Variants in ADAMTSL1 observed in about 807,000 individuals in gnomAD.
ADAMTSL1 encodes the protein ADAMTS-like protein 1.
A neutral mutation model predicts 201.8 loss-of-function variants in ADAMTSL1; 126 were observed. The ratio of observed to expected loss-of-function variants is 0.62; its 90% CI spans 0.54 to 0.72. The LOEUF is 0.72. Among genes scored for constraint, ADAMTSL1 ranks in the 30% least tolerant of loss-of-function variants. ADAMTSL1 has a pLI of 0.00. For missense variants in ADAMTSL1, 2,679 were observed against 2,277.8 expected (o/e 1.18, Z -3.59); for synonymous variants, 1,121 against 903.4 (o/e 1.24, Z -4.32).
intron 1 of ADAMTSL1, among the ~76,000 whole-genome samples, chr9:18,098,435 A>C (rs1224830139): frequency 6.6e-6 from 1 of 152,190 alleles, no homozygotes; most frequent in East Asian, 1.9e-4. Flanking sequence ...GTTTTGTAGT[A>C]TGCAGTACAC....
At chr9:18,103,506 A>G (rs1824624774) in intron 1 of ADAMTSL1, among the ~76,000 whole-genome samples, 1 of 152,200 alleles carries the variant, frequency 6.6e-6, no homozygotes, top group Non-Finnish European at 1.5e-5. Context: ...GGCCAGCACT[A>G]TGAATTTCTG....
intron 26 of ADAMTSL1, among the ~76,000 whole-genome samples, chr9:18,893,242 T>C (rs1256518765): frequency 6.6e-6 from 1 of 152,140 alleles, no homozygotes. Flanking sequence ...AAGACAGCTC[T>C]GGTTCCAGGC....
chr9:18,170,167 T>C (rs1007220214), intron 2 of ADAMTSL1, among the ~76,000 whole-genome samples: 5 of 152,086 alleles, frequency 3.3e-5, no homozygotes, highest in Admixed American at 6.6e-5. Context: ...TAACGAACTA[T>C]ATACATAAAA....
chr9:18,272,003 G>A (rs13298564), intron 2 of ADAMTSL1, among the ~76,000 whole-genome samples: 1,866 of 147,062 alleles, frequency 0.013, 61 homozygotes, highest in African/African-American at 0.043. Context: ...CATATCCTTC[G>A]CCCACTTTTT....
Position 18,795,465 on chromosome 9 carries a change from C to G in ADAMTSL1, c.3746C>G (p.Thr1249Ser), listed in dbSNP as rs777514234. Residue 1249 changes from threonine to serine, a missense_variant, in exon 20 of 29, where the codon ACT becomes AGT. Transcript: ENST00000380548. ...APVEADVGFYTCNATNALGYD... is the reference protein window; with the variant it reads ...APVEADVGFYSCNATNALGYD... ...GTGGAAGCAGATGTGGGTTTCTACA[C>G]TTGCAATGCCACCAATGCCTTGGGA... 1.2e-6 allele frequency: 2 copies of G among 1,613,908 alleles called. No homozygotes were observed. The highest frequency in any genetic ancestry group is 2.2e-5 in the East Asian group (1 of 44,878).
At chr9:18,158,777 C>T (rs777891615) in intron 1 of ADAMTSL1, among the ~76,000 whole-genome samples, 1 of 151,892 alleles carries the variant, frequency 6.6e-6, no homozygotes, top group African/African-American at 2.4e-5. Context: ...TCCTTCCAAC[C>T]AGAAGTTAAT....
intron 1 of ADAMTSL1, among the ~76,000 whole-genome samples, chr9:18,084,247 C>T (rs1039209679): frequency 2.0e-5 from 3 of 152,058 alleles, no homozygotes; most frequent in Non-Finnish European, 2.9e-5. Flanking sequence ...TGAGGCTGGG[C>T]GCGGTGGCTC....
intron 1 of ADAMTSL1, among the ~76,000 whole-genome samples, chr9:18,124,914 T>C (rs1825668890): frequency 6.6e-6 from 1 of 152,200 alleles, no homozygotes; most frequent in Non-Finnish European, 1.5e-5. Flanking sequence ...GAGGGTAAGA[T>C]AGGAAATAGA....
At chr9:18,879,203 A>T (rs1270849236) in intron 23 of ADAMTSL1, among the ~76,000 whole-genome samples, 4 of 152,206 alleles carry the variant, frequency 2.6e-5, no homozygotes, top group Non-Finnish European at 5.9e-5. Context: ...ATGTTAAGAC[A>T]TTTGGGAACC....
At chr9:17,964,534 C>T (rs913289743) in intron 1 of ADAMTSL1, among the ~76,000 whole-genome samples, 13 of 150,726 alleles carry the variant, frequency 8.6e-5, no homozygotes, top group African/African-American at 3.2e-4. Flanking sequence ...GTGGCGAATA[C>T]ATGAACATAC....
chr9:18,663,014 A>G (rs1413930353), intron 9 of ADAMTSL1, among the ~76,000 whole-genome samples: 1 of 152,208 alleles, frequency 6.6e-6, no homozygotes, highest in Non-Finnish European at 1.5e-5. Flanking sequence ...TTAAAATCAT[A>G]CTATACTGAT....
chr9:18,205,506 C>T (rs1365015040), intron 2 of ADAMTSL1, among the ~76,000 whole-genome samples: 1 of 151,808 alleles, frequency 6.6e-6, no homozygotes, highest in Non-Finnish European at 1.5e-5. Flanking sequence ...TTTAATGTTT[C>T]TTATTATCTC....
intron 4 of ADAMTSL1, among the ~76,000 whole-genome samples, chr9:18,586,085 C>G (rs944513330): frequency 3.9e-5 from 6 of 152,084 alleles, no homozygotes; most frequent in Admixed American, 2.0e-4. Flanking sequence ...GAAGTGCTGG[C>G]CAGAGCAATC....
chr9:18,324,516 A>G (rs1419144809), intron 2 of ADAMTSL1, among the ~76,000 whole-genome samples: 2 of 151,960 alleles, frequency 1.3e-5, no homozygotes, highest in Non-Finnish European at 2.9e-5. Context: ...TGTAATCCCA[A>G]CATTTTGGGA....
chr9:18,087,565 A>T (rs1297327974), intron 1 of ADAMTSL1, among the ~76,000 whole-genome samples: 4 of 152,198 alleles, frequency 2.6e-5, no homozygotes, highest in African/African-American at 9.6e-5. Flanking sequence ...TGACTATGTA[A>T]TTTTGGATTT....
intron 23 of ADAMTSL1, among the ~76,000 whole-genome samples, chr9:18,845,292 C>T (rs993196449): frequency 3.3e-5 from 5 of 152,250 alleles, no homozygotes; most frequent in Non-Finnish European, 7.3e-5. Context: ...AGAAAGCAAA[C>T]AGCACCAGCC....
intron 1 of ADAMTSL1, among the ~76,000 whole-genome samples, chr9:18,084,444 C>A (rs1346959132): frequency 1.3e-5 from 2 of 151,884 alleles, no homozygotes; most frequent in African/African-American, 4.8e-5. Flanking sequence ...ATTTCTTGAA[C>A]CCAGGAGGCG....
chr9:18,583,270 C>T (rs1166664065), intron 4 of ADAMTSL1, among the ~76,000 whole-genome samples: 3 of 152,316 alleles, frequency 2.0e-5, no homozygotes, highest in Non-Finnish European at 4.4e-5. Context: ...GCTGCTCCAG[C>T]CATGGCTGAA....
At chr9:18,360,807 CTCT>C (rs1223462606) in intron 2 of ADAMTSL1, 6 of 152,274 alleles carry the variant, frequency 3.9e-5, no homozygotes, top group African/African-American at 1.4e-4. Flanking sequence ...ACAGGGGTCT[CTCT>C]TCTTGTGTTC....
Sources: gnomAD v4.1 joint callset for allele counts (sites outside exome capture counted in the v4.1 genomes callset) on GRCh38, gnomAD v4.1.1 for gene constraint, MANE v1.5 for transcripts, NCBI Gene and HGNC (gene_info 2026-07-23, HGNC 2026-07-21) for gene names.